The following TNRC6C variants were observed in gnomAD, a reference collection of about 807,000 sequenced individuals.
TNRC6C encodes the protein trinucleotide repeat-containing gene 6C protein.
TNRC6C carries 20 observed loss-of-function variants against 153.7 expected under a neutral mutation model. The ratio of observed to expected loss-of-function variants is 0.13; its 90% CI spans 0.09 to 0.19. TNRC6C has a LOEUF of 0.19. TNRC6C is among the 10% of genes least tolerant of loss of function. TNRC6C has a pLI of 1.00. For synonymous variants in TNRC6C, 811 were observed against 841.4 expected, an observed-to-expected ratio of 0.96 and a Z score of 0.63; for missense variants, 1,987 against 2,172.0, an observed-to-expected ratio of 0.91 and a Z score of 1.69.
In TNRC6C at chr17:78,086,329, A is replaced by T. The variant is rs1025580275; in HGVS notation, c.3478-174A>T. Among the ~76,000 whole-genome samples, 5 of 11,636 alleles carry T rather than the reference A, an allele frequency of 4.3e-4. No individual in the cohort carries two copies. In the East Asian group the frequency reaches 0.018, roughly 42 times the overall value. The allele number at this position is 11,636 out of a possible 152,430, so 7.6% of individuals were successfully genotyped here. A position where few individuals can be genotyped will look rare whatever the true frequency, so the allele number is the denominator to read the frequency against. The stretch of plus-strand genomic sequence containing the variant: ...TGGATGACAGAGCGAGACTCCATCT[A>T]AAAAAAAAAAAAAAAAAAAAAAAAA... On this transcript the variant is annotated intron_variant, in intron 11 of 19. Coordinates refer to ENST00000301624, the Ensembl canonical transcript of TNRC6C.
Position 78,075,086 on chromosome 17 carries a change from A to G in TNRC6C, c.2918-50A>G. 1 of 1,596,162 alleles carries G rather than the reference A, an allele frequency of 6.3e-7. No homozygotes were observed. The highest frequency in any genetic ancestry group is 8.5e-7 in the Non-Finnish European group (1 of 1,170,278). On this transcript the variant is annotated intron_variant, in intron 7 of 19. Transcript: ENST00000301624. The surrounding 1 kb of genome is among the most constrained non-coding windows in gnomAD (Gnocchi z 4.2). ...CTTAGCTGGTGCCTATCTTGTGCTC[A>G]GCACTCACTTGTTTTGTTTACAACA...
At chr17:77,967,027 A>G (rs1345026053) in intron 1 of TNRC6C, among the ~76,000 whole-genome samples, 1 of 152,222 alleles carries the variant, frequency 6.6e-6, no homozygotes, top group Non-Finnish European at 1.5e-5. Context: ...AAGGAATAAT[A>G]GATTCTTTTT....
At chr17:78,064,097 G>T (rs527525681) in intron 3 of TNRC6C, among the ~76,000 whole-genome samples, 1 of 152,150 alleles carries the variant, frequency 6.6e-6, no homozygotes, top group African/African-American at 2.4e-5. Context: ...AGGCTAGAGT[G>T]CAGTGGCACA....
intron 1 of TNRC6C, among the ~76,000 whole-genome samples, chr17:77,988,768 G>A (rs1303890741): frequency 2.6e-5 from 4 of 152,306 alleles, no homozygotes; most frequent in Non-Finnish European, 5.9e-5. Context: ...ATGAAGAACA[G>A]TTAGTGGGGA....
intron 13 of TNRC6C, 149 bp from the exon 16 acceptor site, chr17:78,091,291 A>C (rs1598783319): frequency 1.1e-6 from 1 of 871,118 alleles, no homozygotes; most frequent in Non-Finnish European, 1.6e-6. Flanking sequence ...GTGCCATTGC[A>C]CTCCAGCCTG....
At chr17:77,992,563 C>G (rs879393741) in intron 1 of TNRC6C, among the ~76,000 whole-genome samples, 21 of 151,852 alleles carry the variant, frequency 1.4e-4, no homozygotes, top group Non-Finnish European at 2.8e-4. Flanking sequence ...GACTGTGTTG[C>G]CTTGGCCCCC....
chr17:78,098,451 C>T (rs756829001), exon 17 of TNRC6C: 12 of 1,614,034 alleles, frequency 7.4e-6, no homozygotes, highest in South Asian at 2.2e-5. Flanking sequence ...ACTGCACCCA[C>T]GAGGCCACCT....
At chr17:77,958,436 G>A (rs1198023279), upstream of TNRC6C, among the ~76,000 whole-genome samples, 3 of 151,974 alleles carry the variant, frequency 2.0e-5, no homozygotes, top group African/African-American at 4.8e-5. Context: ...CGCGCTCCCC[G>A]CGCGGTGCAG....
chr17:77,990,468 A>AGG (rs1281072075), intron 1 of TNRC6C, among the ~76,000 whole-genome samples: 2 of 152,040 alleles, frequency 1.3e-5, no homozygotes, highest in African/African-American at 4.8e-5. Flanking sequence ...GCCCCCCATC[A>AGG]TCTTGCCGTT....
At chr17:78,054,354 G>A (rs947030213) in intron 3 of TNRC6C, among the ~76,000 whole-genome samples, 2 of 149,192 alleles carry the variant, frequency 1.3e-5, no homozygotes, top group South Asian at 4.3e-4. Flanking sequence ...TGCAGACTAC[G>A]CACACCACTG....
At chr17:77,992,642 G>A (rs1387106524) in intron 1 of TNRC6C, among the ~76,000 whole-genome samples, 1 of 152,158 alleles carries the variant, frequency 6.6e-6, no homozygotes, top group Non-Finnish European at 1.5e-5. Context: ...TCAAGAGGCT[G>A]CAGAAGATGA....
At chr17:78,039,679 G>T (rs909975243) in intron 2 of TNRC6C, among the ~76,000 whole-genome samples, 9 of 152,158 alleles carry the variant, frequency 5.9e-5, no homozygotes, top group Non-Finnish European at 1.3e-4. Context: ...GCCATCCCTC[G>T]TGGGAAACAC....
chr17:78,038,733 A>G (rs908904412), intron 2 of TNRC6C, among the ~76,000 whole-genome samples: 1 of 152,064 alleles, frequency 6.6e-6, no homozygotes, highest in Non-Finnish European at 1.5e-5. Flanking sequence ...GATAAATGGA[A>G]ACAGCATTGA....
At chr17:77,976,956 A>C (rs1029416941) in intron 1 of TNRC6C, among the ~76,000 whole-genome samples, 7 of 148,732 alleles carry the variant, frequency 4.7e-5, no homozygotes, top group Non-Finnish European at 7.5e-5. Flanking sequence ...AAAAAAAAAA[A>C]AAAACTTGGT....
intron 1 of TNRC6C, among the ~76,000 whole-genome samples, chr17:77,971,523 G>T (rs528114115): frequency 3.9e-4 from 60 of 152,030 alleles, no homozygotes; most frequent in Non-Finnish European, 5.0e-4. Flanking sequence ...CTTTTTAATG[G>T]GCATTTCCAC....
intron 1 of TNRC6C, among the ~76,000 whole-genome samples, chr17:77,978,600 AGCATTT>A (rs1442360284): frequency 6.6e-6 from 1 of 152,198 alleles, no homozygotes; most frequent in Admixed American, 6.5e-5. Flanking sequence ...ACCCCTCAGA[AGCATTT>A]GCCAGCTTCA....
At chr17:77,967,300 A>G (rs1357919773) in intron 1 of TNRC6C, among the ~76,000 whole-genome samples, 1 of 152,190 alleles carries the variant, frequency 6.6e-6, no homozygotes, top group Non-Finnish European at 1.5e-5. Flanking sequence ...CAGGGATAAT[A>G]ACATGTTCAT....
At chr17:77,982,045 A>G (rs998073974) in intron 1 of TNRC6C, among the ~76,000 whole-genome samples, 1 of 152,044 alleles carries the variant, frequency 6.6e-6, no homozygotes, top group Non-Finnish European at 1.5e-5. Context: ...GATTAGAGAC[A>G]CAGAGTTCTT....
intron 1 of TNRC6C, 90 bp downstream of exon 3, chr17:78,005,169 A>G: frequency 4.7e-6 from 4 of 843,934 alleles, no homozygotes; most frequent in Non-Finnish European, 6.3e-6. Context: ...TTGATGGTTA[A>G]AAAACGAGAA....
Sources: gnomAD v4.1 joint callset for allele counts (sites outside exome capture counted in the v4.1 genomes callset) on GRCh38, gnomAD v4.1.1 for gene constraint, Gnocchi (gnomAD v3.1) non-coding constraint, MANE v1.5 for transcripts, NCBI Gene and HGNC (gene_info 2026-07-23, HGNC 2026-07-21) for gene names.